Variants in FBXL7 observed in about 807,000 individuals in gnomAD.
The protein encoded by FBXL7 is F-box/LRR-repeat protein 7.
A neutral mutation model predicts 38.3 loss-of-function variants in FBXL7; 12 were observed. The ratio of observed to expected loss-of-function variants is 0.31; its 90% CI spans 0.20 to 0.51. The LOEUF is 0.51. Among genes scored for constraint, FBXL7 ranks in the 20% least tolerant of loss-of-function variants. FBXL7 has a pLI of 0.98. For synonymous variants in FBXL7, 297 were observed against 300.9 expected (o/e 0.99, Z 0.13); for missense variants, 567 against 676.4 (o/e 0.84, Z 1.79).
In FBXL7 at chr5:15,936,844, G is replaced by C; in HGVS notation, c.1134G>C (p.Leu378=). The change falls in exon 4 of 4, where the codon CTG becomes CTC. Residue 378 remains leucine (L), a synonymous_variant. Coordinates refer to ENST00000504595, the MANE Select transcript of FBXL7 (RefSeq NM_012304.5). The surrounding 1 kb of genome is among the most constrained non-coding windows in gnomAD (Gnocchi z 6.0). ...IRYVAKYCSK[L]RYLNARGCEG... ...ACGTGGCCAAGTACTGCAGCAAGCT[G>C]CGCTACCTCAACGCGAGGGGCTGCG... 6.2e-7 allele frequency: 1 copy of C among 1,613,752 alleles called. No homozygotes were observed. The highest frequency in any genetic ancestry group is 1.3e-5 in the African/African-American group (1 of 75,068).
intron 1 of FBXL7, among the ~76,000 whole-genome samples, chr5:15,577,440 G>C (rs1199476579): frequency 6.6e-6 from 1 of 152,138 alleles, no homozygotes. Flanking sequence ...GAGAGTGACC[G>C]CTTTCTATTT....
chr5:15,902,498 A>C (rs1263359801), intron 2 of FBXL7, among the ~76,000 whole-genome samples: 1 of 152,250 alleles, frequency 6.6e-6, no homozygotes, highest in Non-Finnish European at 1.5e-5. Context: ...AAAAGTGTCC[A>C]GATGACTTGA....
At chr5:15,878,970 A>T (rs1294170761) in intron 2 of FBXL7, among the ~76,000 whole-genome samples, 1 of 152,148 alleles carries the variant, frequency 6.6e-6, no homozygotes, top group Non-Finnish European at 1.5e-5. Context: ...GGAGCTTTTT[A>T]AAAATCTTGA....
chr5:15,858,532 A>G (rs1282263644), intron 2 of FBXL7, among the ~76,000 whole-genome samples: 1 of 152,208 alleles, frequency 6.6e-6, no homozygotes, highest in Non-Finnish European at 1.5e-5. Context: ...TGTGTTTATA[A>G]AGGACAGGCA....
intron 2 of FBXL7, among the ~76,000 whole-genome samples, chr5:15,886,426 G>C (rs1740681465): frequency 6.6e-6 from 1 of 152,074 alleles, no homozygotes; most frequent in Admixed American, 6.6e-5. Flanking sequence ...CAGGCAAAGG[G>C]ACTTTTTAGA....
chr5:15,779,034 A>C (rs529744911), intron 2 of FBXL7, among the ~76,000 whole-genome samples: 35 of 152,246 alleles, frequency 2.3e-4, no homozygotes, highest in African/African-American at 7.5e-4. Flanking sequence ...TTTACTGATA[A>C]TTGTCATTAC....
intron 2 of FBXL7, among the ~76,000 whole-genome samples, chr5:15,777,937 T>A (rs949917178): frequency 6.6e-6 from 1 of 151,948 alleles, no homozygotes; most frequent in African/African-American, 2.4e-5. Flanking sequence ...CAGCTAAACA[T>A]AATAAACCTG....
intron 2 of FBXL7, among the ~76,000 whole-genome samples, chr5:15,770,690 ATAT>A (rs1736707053): frequency 6.6e-6 from 1 of 152,248 alleles, no homozygotes; most frequent in Non-Finnish European, 1.5e-5. Flanking sequence ...GAACCATTTC[ATAT>A]TATTCTTGTA....
chr5:15,582,346 A>G (rs1739171303), intron 1 of FBXL7, among the ~76,000 whole-genome samples: 1 of 152,236 alleles, frequency 6.6e-6, no homozygotes, highest in African/African-American at 2.4e-5. Flanking sequence ...GCTTAATATT[A>G]GGATATGCTG....
At position 15,541,142 on chromosome 5, in the gene FBXL7, T is replaced by G. The variant is rs1173095016; in HGVS notation, c.37+40429T>G. ...TTTGGCTAAACTATTTGCAAATGAG[T>G]TGCACATATAATGACGCCTCACTCC... On this transcript the variant is annotated intron_variant, in intron 1 of 3. Coordinates refer to ENST00000504595, the MANE Select transcript of FBXL7 (RefSeq NM_012304.5). Among the ~76,000 whole-genome samples, 4 of 150,910 alleles carry G rather than the reference T, an allele frequency of 2.7e-5. No individual in the cohort carries two copies. The East Asian group carries it at 7.9e-4, about 30-fold the overall frequency.
intron 2 of FBXL7, among the ~76,000 whole-genome samples, chr5:15,682,465 A>AT (rs1742872229): frequency 6.6e-6 from 1 of 151,922 alleles, no homozygotes; most frequent in Non-Finnish European, 1.5e-5. Context: ...AGACAAAAAT[A>AT]TTTTTTGTCT....
chr5:15,880,820 A>G (rs528205832), intron 2 of FBXL7, among the ~76,000 whole-genome samples: 36 of 150,378 alleles, frequency 2.4e-4, no homozygotes, highest in African/African-American at 7.5e-4. Context: ...GCAAAAAACT[A>G]ATATATTGAA....
intron 1 of FBXL7, among the ~76,000 whole-genome samples, chr5:15,598,444 T>C (rs187172356): frequency 1.3e-5 from 2 of 152,322 alleles, no homozygotes; most frequent in African/African-American, 4.8e-5. Context: ...GATACACCTT[T>C]GGTTAAGCAT....
At chr5:15,919,919 G>C (rs1741695076) in intron 2 of FBXL7, among the ~76,000 whole-genome samples, 1 of 152,154 alleles carries the variant, frequency 6.6e-6, no homozygotes, top group Non-Finnish European at 1.5e-5. Flanking sequence ...CAGTTGTGTG[G>C]AGGTACTTTA....
chr5:15,783,475 G>A (rs1737052292), intron 2 of FBXL7, among the ~76,000 whole-genome samples: 1 of 152,156 alleles, frequency 6.6e-6, no homozygotes, highest in African/African-American at 2.4e-5. Context: ...ACCCATGAAT[G>A]AGATAACCAA....
At chr5:15,518,459 A>G (rs952517461) in intron 1 of FBXL7, among the ~76,000 whole-genome samples, 1 of 152,162 alleles carries the variant, frequency 6.6e-6, no homozygotes, top group African/African-American at 2.4e-5. Context: ...GTGATGTGCA[A>G]TGGGAGGTAG....
intron 2 of FBXL7, among the ~76,000 whole-genome samples, chr5:15,736,635 G>A (rs1357725184): frequency 6.6e-6 from 1 of 152,088 alleles, no homozygotes; most frequent in East Asian, 1.9e-4. Context: ...TTCTCCATTT[G>A]GCTGATTTTA....
intron 2 of FBXL7, among the ~76,000 whole-genome samples, chr5:15,696,935 C>T (rs1051850002): frequency 6.6e-6 from 1 of 152,164 alleles, no homozygotes; most frequent in Non-Finnish European, 1.5e-5. Context: ...GTCTTTGTGT[C>T]TTTATCCTCA....
intron 2 of FBXL7, among the ~76,000 whole-genome samples, chr5:15,832,101 C>T (rs999927145): frequency 2.0e-5 from 3 of 152,098 alleles, no homozygotes; most frequent in South Asian, 4.1e-4. Context: ...TGGGAAGTCC[C>T]GGACCTTTCT....
Sources: allele counts gnomAD v4.1 joint callset (sites outside exome capture counted in the v4.1 genomes callset), GRCh38; gene constraint gnomAD v4.1.1; non-coding constraint Gnocchi (gnomAD v3.1); transcripts MANE v1.5; gene names NCBI Gene and HGNC (gene_info 2026-07-23, HGNC 2026-07-21).